Variants in APBB2 observed in about 807,000 individuals in gnomAD.
APBB2 encodes amyloid beta precursor protein binding family B member 2.
Under a neutral mutation model 82.5 loss-of-function variants are expected in APBB2, and 38 were observed. That is an observed-to-expected ratio of 0.46 (90% CI 0.36 to 0.60). The LOEUF (loss-of-function observed/expected upper bound fraction) is 0.60. Ranked by LOEUF, APBB2 falls within the 20% of genes least tolerant of loss-of-function variation. The pLI, the probability that APBB2 is intolerant of heterozygous loss-of-function variation, is 0.00. For synonymous variants in APBB2, 341 were observed against 368.2 expected (o/e 0.93, Z 0.85); for missense variants, 772 against 972.3 (o/e 0.79, Z 2.74).
At chr4:41,142,966 G>T (rs10002235) in intron 2 of APBB2, 21 bp downstream of exon 2, 54,783 of 152,052 alleles carry the variant, frequency 0.36, 10,299 homozygotes, top group Non-Finnish European at 0.42. Context: ...GCTTTATCCA[G>T]CCTCTCTTAC....
chr4:41,013,672 C>A lies in APBB2; in HGVS notation c.746G>T (p.Arg249Leu). 2 of 1,614,202 alleles carry A rather than the reference C, an allele frequency of 1.2e-6. No homozygotes were observed. Among genetic ancestry groups the A allele is most frequent in the South Asian group, 1.1e-5 (1 of 91,088 alleles). ...ATCGCTCGGTGCCAGGTTCTGGATC[C>A]GGTGCAGTGCACAGTCGGTTTTGGC... ...TGAKTDCALH[R>L]IQNLAPSDEE... Residue 249 changes from arginine (R) to leucine (L), a missense_variant, in exon 6 of 18, where the codon CGG (arginine) becomes CTG (leucine). Arg to Leu is a moderately radical substitution (Grantham distance 102). Coordinates refer to ENST00000508593, the MANE Select transcript of APBB2 (RefSeq NM_004307.2).
At chr4:41,112,760 C>A (rs543138502) in intron 2 of APBB2, among the ~76,000 whole-genome samples, 1 of 152,098 alleles carries the variant, frequency 6.6e-6, no homozygotes, top group Non-Finnish European at 1.5e-5. Flanking sequence ...GAGGCCAAGG[C>A]GGGTGGATCA....
chr4:41,161,755 A>G (rs1765221673), intron 1 of APBB2, among the ~76,000 whole-genome samples: 2 of 152,210 alleles, frequency 1.3e-5, no homozygotes, highest in South Asian at 4.1e-4. Context: ...GTAATTAGAG[A>G]GAAAGCTAGA....
rs113041886 is a variant in APBB2, at chr4:41,043,009, C to T, written c.-50-9705G>A. 1.8e-4 allele frequency among the ~76,000 whole-genome samples: 28 copies of T among 152,184 alleles called. 1 individual carries two copies. The highest frequency in any genetic ancestry group is 3.9e-4 in the East Asian group (2 of 5,182). On this transcript the variant is annotated intron_variant, in intron 4 of 17. Transcript: ENST00000508593. ...GGTATAATGCTATGTGAGGATCCTG[C>T]GGGGGGAATCTATTTTTTATTTTTT... is the stretch of plus-strand genomic sequence containing the variant.
At chr4:40,945,279 G>C (rs1788072645) in intron 6 of APBB2, among the ~76,000 whole-genome samples, 1 of 152,114 alleles carries the variant, frequency 6.6e-6, no homozygotes, top group Admixed American at 6.6e-5. Context: ...TATAAGAATT[G>C]GAAAGGAAGG....
At chr4:41,019,210 G>A (rs1158687236) in intron 5 of APBB2, among the ~76,000 whole-genome samples, 1 of 152,170 alleles carries the variant, frequency 6.6e-6, no homozygotes, top group Non-Finnish European at 1.5e-5. Flanking sequence ...TTAAAGATGA[G>A]ATTCTTAGTT....
At chr4:40,831,090 C>T (rs546768479) in intron 12 of APBB2, among the ~76,000 whole-genome samples, 1 of 152,098 alleles carries the variant, frequency 6.6e-6, no homozygotes, top group South Asian at 2.1e-4. Context: ...CAGAACAAGA[C>T]TTAGCCTCTA....
chr4:40,868,880 G>A (rs749167282), intron 12 of APBB2, among the ~76,000 whole-genome samples: 7 of 152,180 alleles, frequency 4.6e-5, no homozygotes, highest in African/African-American at 1.7e-4. Flanking sequence ...ATCAATGGTA[G>A]TGTGCCAACT....
chr4:41,036,068 G>A (rs548713138), intron 4 of APBB2, among the ~76,000 whole-genome samples: 1 of 152,230 alleles, frequency 6.6e-6, no homozygotes, highest in African/African-American at 2.4e-5. Flanking sequence ...TGAGGTGGAA[G>A]GATCACTTGA....
chr4:40,835,263 A>C (rs1322971295), intron 12 of APBB2, among the ~76,000 whole-genome samples: 1 of 147,166 alleles, frequency 6.8e-6, no homozygotes, highest in African/African-American at 2.6e-5. Flanking sequence ...GTGAGAGAGC[A>C]AGATTCCGTC....
chr4:40,954,877 C>G (rs918297469), intron 6 of APBB2, among the ~76,000 whole-genome samples: 13 of 152,164 alleles, frequency 8.5e-5, no homozygotes, highest in African/African-American at 3.1e-4. Context: ...GTTGGCCAGG[C>G]TGGCCTTGGG....
intron 1 of APBB2, among the ~76,000 whole-genome samples, chr4:41,214,011 C>A (rs1258763220): frequency 6.6e-6 from 1 of 152,236 alleles, no homozygotes; most frequent in African/African-American, 2.4e-5. Flanking sequence ...GCAGTCCCCA[C>A]CCGGGCGCAC....
At chr4:41,111,125 C>T (rs1749052065) in intron 2 of APBB2, among the ~76,000 whole-genome samples, 2 of 152,174 alleles carry the variant, frequency 1.3e-5, no homozygotes. Flanking sequence ...GAATCTAATG[C>T]TGCTGCTGAT....
intron 1 of APBB2, among the ~76,000 whole-genome samples, chr4:41,184,038 G>A (rs2154065775): frequency 6.6e-6 from 1 of 151,700 alleles, no homozygotes; most frequent in African/African-American, 2.4e-5. Context: ...AGATCATCAG[G>A]CATTAGATTC....
intron 1 of APBB2, among the ~76,000 whole-genome samples, chr4:41,149,887 T>C (rs755798892): frequency 1.3e-5 from 2 of 152,070 alleles, no homozygotes; most frequent in African/African-American, 2.4e-5. Context: ...CCTGACACCA[T>C]GTAAGACGTG....
In APBB2 at chr4:40,815,966, G is replaced by T; in HGVS notation, c.*126C>A. 1 of 1,071,116 alleles carries T rather than the reference G, an allele frequency of 9.3e-7. No homozygotes were observed. Among genetic ancestry groups the T allele is most frequent in the Non-Finnish European group, 1.4e-6 (1 of 724,956 alleles). The allele number at this position is 1,071,116 out of a possible 1,614,324, so 66.4% of individuals were successfully genotyped here. ...GAACATGCTTGTCTAACACTGCTTG[G>T]TTAAGGGTAAATTCTCTGAAGACAA... is the stretch of plus-strand genomic sequence containing the variant. On this transcript the variant is annotated 3_prime_UTR_variant, in exon 18 of 18. Transcript: ENST00000508593.
chr4:41,017,883 T>C (rs1421717119), intron 5 of APBB2, among the ~76,000 whole-genome samples: 3 of 152,252 alleles, frequency 2.0e-5, no homozygotes, highest in Non-Finnish European at 4.4e-5. Flanking sequence ...AGGTTTGTGT[T>C]TGTCTTTAAA....
chr4:40,836,263 G>C (rs954349981), intron 12 of APBB2, among the ~76,000 whole-genome samples: 6 of 152,184 alleles, frequency 3.9e-5, no homozygotes, highest in Non-Finnish European at 7.3e-5. Context: ...GATCTCTTCA[G>C]GTCAGGAGTT....
intron 10 of APBB2, among the ~76,000 whole-genome samples, chr4:40,931,258 C>T (rs985975731): frequency 6.6e-6 from 1 of 152,100 alleles, no homozygotes; most frequent in Non-Finnish European, 1.5e-5. Flanking sequence ...AGGAATGACT[C>T]CGATAGGGGA....
Sources: gnomAD v4.1 joint callset for allele counts (sites outside exome capture counted in the v4.1 genomes callset) on GRCh38, gnomAD v4.1.1 for gene constraint, MANE v1.5 for transcripts, NCBI Gene and HGNC (gene_info 2026-07-23, HGNC 2026-07-21) for gene names.